Variants in VSIG1 observed in about 807,000 individuals in gnomAD.
The protein encoded by VSIG1 is V-set and immunoglobulin domain-containing protein 1.
In VSIG1, 11 loss-of-function variants were observed where a neutral mutation model predicts 20.1. The ratio of observed to expected loss-of-function variants is 0.55; its 90% confidence interval spans 0.34 to 0.91. The LOEUF is 0.91. Ranked by LOEUF, VSIG1 falls within the 40% of genes least tolerant of loss-of-function variation. The pLI is 0.02. For synonymous variants in VSIG1, 126 were observed against 116.7 expected (o/e 1.08, Z -0.52); for missense variants, 283 against 298.8 (o/e 0.95, Z 0.39).
At chrX:108,040,862 TC>T (rs1385641094), upstream of VSIG1, among the ~76,000 whole-genome samples, 1 of 110,053 alleles carries the variant, frequency 9.1e-6, no homozygotes, top group Admixed American at 9.7e-5. Context: ...TTAAAAAACC[TC>T]GTGTGTGTGT....
intron 2 of VSIG1, among the ~76,000 whole-genome samples, chrX:108,064,338 G>A (rs1465625369): frequency 1.8e-5 from 2 of 111,445 alleles, no homozygotes; most frequent in East Asian, 2.8e-4. Context: ...AGTGTCAATC[G>A]TGAGAGGGCA....
intron 2 of VSIG1, among the ~76,000 whole-genome samples, chrX:108,062,632 G>GGTAAGAGAGTTGGTTTGGAA (rs1410535273): frequency 1.5e-3 from 164 of 112,046 alleles, no homozygotes; most frequent in Non-Finnish European, 2.8e-3. Context: ...ATGGAGGGTT[G>GGTAAGAGAGTTGGTTTGGAA]GTAAGAGAGT....
chrX:108,071,231 C>A (rs977028398), intron 3 of VSIG1, among the ~76,000 whole-genome samples: 1 of 110,713 alleles, frequency 9.0e-6, no homozygotes, highest in Non-Finnish European at 1.9e-5. Flanking sequence ...GTCTAACTCA[C>A]CTAAATTAGA....
At position 108,061,669 on chromosome X, in the gene VSIG1, A is replaced by C. The variant is rs2031028696; in HGVS notation, c.213+3468A>C. On this transcript the variant is annotated intron_variant, in intron 2 of 6. Transcript: ENST00000217957. ...CAAGATCAGCACAAGCCCCTGACAA[A>C]ACTGGGACAGTCTTGAGTTTACCTT... is the stretch of plus-strand genomic sequence containing the variant. 3.6e-5 allele frequency: 18 copies of C among 506,332 alleles called. No homozygotes were observed. The South Asian group carries it at 5.6e-4, about 16-fold the overall frequency. The allele number at this position is 506,332 out of a possible 1,213,427, so 41.7% of individuals were successfully genotyped here. A position where few individuals can be genotyped will look rare whatever the true frequency, so the allele number is the denominator to read the frequency against.
At chrX:108,050,697 A>T (rs1159364606) in intron 1 of VSIG1, among the ~76,000 whole-genome samples, 1 of 111,422 alleles carries the variant, frequency 9.0e-6, no homozygotes, top group Non-Finnish European at 1.9e-5. Context: ...ATCTTTCTGT[A>T]AGGCCAACAG....
At chrX:108,061,904 C>G (rs807167) in intron 2 of VSIG1, among the ~76,000 whole-genome samples, 12 of 108,947 alleles carry the variant, frequency 1.1e-4, no homozygotes, top group Admixed American at 1.9e-4. Context: ...CTTTGGAGAA[C>G]AGAGACTGAA....
upstream of VSIG1, among the ~76,000 whole-genome samples, chrX:108,040,706 A>G (rs780835577): frequency 3.0e-3 from 339 of 112,277 alleles, 2 homozygotes; most frequent in African/African-American, 0.01. Context: ...CATTCATATC[A>G]TGAAATACCA....
chrX:108,056,562 A>T, intron 1 of VSIG1, among the ~76,000 whole-genome samples: 2 of 112,925 alleles, frequency 1.8e-5, no homozygotes, highest in Non-Finnish European at 3.7e-5. Flanking sequence ...ATCCAATTAG[A>T]AAATGAGCAA....
chrX:108,072,774 T>C lies in VSIG1; in HGVS notation c.510T>C (p.Pro170=), dbSNP rs1028472932. The C allele has an allele frequency of 1.7e-6, 2 of 1,208,799 alleles. No individual in the cohort carries two copies. The highest frequency in any genetic ancestry group is 3.5e-5 in the African/African-American group (2 of 56,790). The change falls in exon 4 of 7, where the codon CCT becomes CCC. Residue 170 remains proline, a synonymous_variant. Coordinates refer to ENST00000217957, the MANE Select transcript of VSIG1 (RefSeq NM_182607.5). ...TCTCTGCGCTTGGAACACCTTCCCC[T>C]GTGTACTACTGGCATAAACTTGAGG... ...SCLSALGTPS[P]VYYWHKLEGR...
intron 1 of VSIG1, among the ~76,000 whole-genome samples, chrX:108,047,805 T>TAC (rs2030626067): frequency 1.4e-5 from 1 of 70,757 alleles, no homozygotes; most frequent in Non-Finnish European, 2.6e-5. Context: ...TATATATATA[T>TAC]ATACATATAT....
intron 2 of VSIG1, among the ~76,000 whole-genome samples, chrX:108,059,984 T>C (rs1004509659): frequency 2.7e-5 from 3 of 111,756 alleles, no homozygotes; most frequent in Non-Finnish European, 5.6e-5. Flanking sequence ...AGGCTACCTC[T>C]TGGTTGAACT....
chrX:108,067,938 A>G (rs944369082), intron 3 of VSIG1, among the ~76,000 whole-genome samples: 1 of 112,313 alleles, frequency 8.9e-6, no homozygotes, highest in Admixed American at 9.4e-5. Context: ...ACCAGTTGAG[A>G]TGAGCATTTT....
chrX:108,046,554 G>GTTT (rs1245259974), intron 1 of VSIG1, among the ~76,000 whole-genome samples: 57 of 100,377 alleles, frequency 5.7e-4, no homozygotes, highest in African/African-American at 1.8e-3. Context: ...GTTAAGAACA[G>GTTT]TTTTTTTTTT....
At chrX:108,024,268 A>C in the VSIG1 span, among the ~76,000 whole-genome samples, 3 of 110,710 alleles carry the variant, frequency 2.7e-5, no homozygotes, top group African/African-American at 6.6e-5. Context: ...TTCATTTTTA[A>C]AATTTTCTGT....
chrX:108,032,374 A>T, the VSIG1 span, among the ~76,000 whole-genome samples: 1 of 112,296 alleles, frequency 8.9e-6, no homozygotes, highest in Non-Finnish European at 1.9e-5. Flanking sequence ...TTTATTGAGC[A>T]CCTATTATGT....
chrX:108,041,152 A>C (rs2030473056), upstream of VSIG1, among the ~76,000 whole-genome samples: 1 of 108,161 alleles, frequency 9.2e-6, no homozygotes, highest in South Asian at 4.2e-4. Flanking sequence ...CATTACAATC[A>C]CACCGTGCCA....
upstream of VSIG1, among the ~76,000 whole-genome samples, chrX:108,042,137 G>A (rs1003999943): frequency 7.8e-4 from 88 of 112,281 alleles, no homozygotes; most frequent in African/African-American, 2.8e-3. Context: ...GGTCCAAGCA[G>A]AGAGTTTAAA....
At chrX:108,036,289 G>A in the VSIG1 span, among the ~76,000 whole-genome samples, 1 of 108,957 alleles carries the variant, frequency 9.2e-6, no homozygotes, top group East Asian at 2.9e-4. Flanking sequence ...TGTGGCTCTG[G>A]TCAAGCTTAA....
chrX:108,057,630 G>A (rs959148950), intron 1 of VSIG1, among the ~76,000 whole-genome samples: 23 of 111,539 alleles, frequency 2.1e-4, no homozygotes, highest in African/African-American at 6.5e-4. Flanking sequence ...TGTTTTGCCT[G>A]AGATTTACCT....
Sources: gnomAD v4.1 joint callset for allele counts (sites outside exome capture counted in the v4.1 genomes callset) on GRCh38, gnomAD v4.1.1 for gene constraint, MANE v1.5 for transcripts, NCBI Gene and HGNC (gene_info 2026-07-23, HGNC 2026-07-21) for gene names.